Variants in LPAR2 observed in about 807,000 individuals in gnomAD.
LPAR2 encodes the protein G protein-coupled receptor.
In LPAR2, 10 loss-of-function variants were observed where a neutral mutation model predicts 15.6. The observed-to-expected ratio is 0.64, with a 90% CI of 0.39 to 1.09. The LOEUF is 1.09. LPAR2 is among the 50% of genes least tolerant of loss of function. The pLI is 0.01. For missense variants in LPAR2, 413 were observed against 484.6 expected (o/e 0.85, Z 1.39); for synonymous variants, 204 against 207.4 (o/e 0.98, Z 0.14).
chr19:19,624,382 G>A lies in LPAR2; in HGVS notation c.930C>T (p.Leu310=), dbSNP rs1282066762. 3 of 1,614,118 alleles carry A rather than the reference G, an allele frequency of 1.9e-6. No individual in the cohort carries two copies. The highest frequency in any genetic ancestry group is 2.5e-6 in the Non-Finnish European group (3 of 1,180,058). The change falls in exon 3 of 3, where the codon CTC becomes CTT. Residue 310 remains leucine, a synonymous_variant. Transcript: ENST00000407877. ...TGGACTGGCGGAGGCACGCGCAGCA[G>A]AGAAGGCGGCGGAAGGTGCGGCGCA...
At position 19,624,845 on chromosome 19, in the gene LPAR2, C is replaced by T. The variant is rs545976790; in HGVS notation, c.743-276G>A. On this transcript the variant is annotated intron_variant, in intron 2 of 2. Coordinates refer to ENST00000407877, the MANE Select transcript of LPAR2 (RefSeq NM_004720.7). ...TGTGTGTGTGTGTGAGATGGAGTCT[C>T]GCTCTGTCGCCAGGCTAGAGTGCAG... 1.2e-3 allele frequency among the ~76,000 whole-genome samples: 180 copies of T among 150,068 alleles called. 1 individual carries two copies. The highest frequency in any genetic ancestry group is 4.8e-3 in the Admixed American group (70 of 14,536).
At chr19:19,624,896 C>T (rs1041790868) in intron 2 of LPAR2, among the ~76,000 whole-genome samples, 6 of 151,882 alleles carry the variant, frequency 4.0e-5, no homozygotes, top group Non-Finnish European at 8.8e-5. Context: ...TTGCTGCAAC[C>T]TCTGCCTCCC....
chr19:19,626,377 T>G lies in LPAR2; in HGVS notation c.742+166A>C, dbSNP rs1599393508. Among the ~76,000 whole-genome samples the G allele has an allele frequency of 6.6e-6, 1 of 152,350 alleles. No individual in the cohort carries two copies. The highest frequency in any genetic ancestry group is 2.4e-5 in the African/African-American group (1 of 41,586). ...GGCTCTCTGTTCCTATCCTCAGCAT[T>G]CAGGCCTCTGCTCACATACATTATC... On this transcript the variant is annotated intron_variant, in intron 2 of 2. Transcript: ENST00000407877. This position sits in a 1 kb window ranked among gnomAD's most constrained non-coding sequence, Gnocchi z 5.3.
rs554004782 is a variant in LPAR2, at chr19:19,627,621, G to A, written c.1-337C>T. ...AATGTGTGACCCGGTTTGGGTTGTG[G>A]GGAGAGGAGGGTTAGGGAAAGACAA... On this transcript the variant is annotated intron_variant, in intron 1 of 2. Transcript: ENST00000407877. The surrounding 1 kb of genome is among the most constrained non-coding windows in gnomAD (Gnocchi z 4.7). 1 of 331,440 alleles carries A rather than the reference G, an allele frequency of 3.0e-6. No homozygotes were observed. Among genetic ancestry groups the A allele is most frequent in the Non-Finnish European group, 5.7e-6 (1 of 173,968 alleles). The allele number at this position is 331,440 out of a possible 1,614,324, so 20.5% of individuals were successfully genotyped here.
At chr19:19,624,789 T>TGTGTGTG (rs2061731796) in intron 2 of LPAR2, among the ~76,000 whole-genome samples, 2 of 143,698 alleles carry the variant, frequency 1.4e-5, no homozygotes, top group African/African-American at 2.6e-5. Context: ...ACTGGACATT[T>TGTGTGTG]TGTGTGTGTG....
At chr19:19,625,782 CAA>C (rs34230172) in intron 2 of LPAR2, among the ~76,000 whole-genome samples, 1,057 of 76,346 alleles carry the variant, frequency 0.014, 19 homozygotes, top group African/African-American at 0.055. Flanking sequence ...GACTCTGTCT[CAA>C]AAAAAAAAAA....
chr19:19,625,232 G>C (rs1470257535), intron 2 of LPAR2, among the ~76,000 whole-genome samples: 6 of 152,080 alleles, frequency 3.9e-5, no homozygotes. Context: ...CATTTGACAG[G>C]CTGAGGCAGG....
At position 19,623,895 on chromosome 19, in the gene LPAR2, C is replaced by T; in HGVS notation, c.*361G>A. On this transcript the variant is annotated 3_prime_UTR_variant, in exon 3 of 3. Coordinates refer to ENST00000407877, the MANE Select transcript of LPAR2 (RefSeq NM_004720.7). ...ACCGGGTAGCATGGCCCGAGAGAGC[C>T]CTTATCTCTCCCCACCTTAAAACCC... 1 of 247,326 alleles carries T rather than the reference C, an allele frequency of 4.0e-6. No individual in the cohort carries two copies. The highest frequency in any genetic ancestry group is 7.9e-6 in the Non-Finnish European group (1 of 127,026). The allele number at this position is 247,326 out of a possible 1,614,324, so 15.3% of individuals were successfully genotyped here.
At chr19:19,625,874 CTTT>C (rs545532352) in intron 2 of LPAR2, among the ~76,000 whole-genome samples, 1 of 129,858 alleles carries the variant, frequency 7.7e-6, no homozygotes. Flanking sequence ...CTAAAAACTC[CTTT>C]TTTTTTTTTT....
At position 19,626,929 on chromosome 19, in the gene LPAR2, A is replaced by G; in HGVS notation, c.356T>C (p.Val119Ala). The change falls in exon 2 of 3, where the codon GTG becomes GCG. Residue 119 changes from valine (V) to alanine (A), a missense_variant. Val to Ala is a moderately conservative substitution (Grantham distance 64). Coordinates refer to ENST00000407877, the MANE Select transcript of LPAR2 (RefSeq NM_004720.7). The surrounding 1 kb of genome is among the most constrained non-coding windows in gnomAD (Gnocchi z 5.3). ...CACGGCGATGGCCAGCAGTGTGGCC[A>G]CCGACGCAGTGAGGCTTGTGTCCAG... The G allele has an allele frequency of 3.1e-6, 5 of 1,606,282 alleles. No individual in the cohort carries two copies. The highest frequency in any genetic ancestry group is 4.2e-6 in the Non-Finnish European group (5 of 1,177,034).
rs536175113 is a variant in LPAR2, at chr19:19,627,665, A to C, written c.1-381T>G. The C allele has an allele frequency of 9.7e-4, 264 of 272,284 alleles. 1 individual carries two copies. Among genetic ancestry groups the C allele is most frequent in the Non-Finnish European group, 1.5e-3 (203 of 138,280 alleles). 16.9% of individuals were successfully genotyped at this position (272,284 alleles called of 1,614,324 possible). A position where few individuals can be genotyped will look rare whatever the true frequency, so the allele number is the denominator to read the frequency against. On this transcript the variant is annotated intron_variant, in intron 1 of 2. Coordinates refer to ENST00000407877, the MANE Select transcript of LPAR2 (RefSeq NM_004720.7). The surrounding 1 kb of genome is among the most constrained non-coding windows in gnomAD (Gnocchi z 4.7). Reference sequence around the variant, plus strand: ...AAGACAAAGGGGTGTGAGCTGCGGGAAGAGATGAGGGAGGATCACTTTGGT... The same window carrying C: ...AAGACAAAGGGGTGTGAGCTGCGGGCAGAGATGAGGGAGGATCACTTTGGT...
At chr19:19,625,632 A>C (rs1292167772) in intron 2 of LPAR2, among the ~76,000 whole-genome samples, 1 of 150,788 alleles carries the variant, frequency 6.6e-6, no homozygotes, top group African/African-American at 2.4e-5. Flanking sequence ...AAAATAGAAA[A>C]ATTAGCCAGG....
At position 19,626,609 on chromosome 19, in the gene LPAR2, C is replaced by G; in HGVS notation, c.676G>C (p.Val226Leu). The stretch of plus-strand genomic sequence containing the variant: ...TCTCGGTAGCGGGGGTGGCAGCTGA[C>G]ATGCTCTGCCATGCGCTGCACTCGC... The change falls in exon 2 of 3, where the codon GTC (valine) becomes CTC (leucine). Residue 226 changes from valine to leucine, a missense_variant. Physicochemically the swap from Val to Leu is conservative, Grantham distance 32. Coordinates refer to ENST00000407877, the MANE Select transcript of LPAR2 (RefSeq NM_004720.7). This position sits in a 1 kb window ranked among gnomAD's most constrained non-coding sequence, Gnocchi z 5.3. 6.2e-7 allele frequency: 1 copy of G among 1,613,190 alleles called. No homozygotes were observed. Among genetic ancestry groups the G allele is most frequent in the Middle Eastern group, 1.7e-4 (1 of 6,058 alleles).
Position 19,626,572 on chromosome 19 carries a change from C to T in LPAR2, c.713G>A (p.Ser238Asn). 4 of 1,610,920 alleles carry T rather than the reference C, an allele frequency of 2.5e-6. No homozygotes were observed. Among genetic ancestry groups the T allele is most frequent in the Non-Finnish European group, 3.4e-6 (4 of 1,178,842 alleles). Residue 238 changes from serine (S) to asparagine (N), a missense_variant, in exon 2 of 3, where the codon AGC becomes AAC. Ser to Asn is a conservative substitution (Grantham distance 46). Coordinates refer to ENST00000407877, the MANE Select transcript of LPAR2 (RefSeq NM_004720.7). The surrounding 1 kb of genome is among the most constrained non-coding windows in gnomAD (Gnocchi z 5.3). ...GATGATGACAACAGTCTTGACCAGG[C>T]TGAGCGTGGTCTCTCGGTAGCGGGG...
Position 19,624,478 on chromosome 19 carries a change from C to T in LPAR2, c.834G>A (p.Lys278=). 4 of 1,614,076 alleles carry T rather than the reference C, an allele frequency of 2.5e-6. No individual in the cohort carries two copies. Among genetic ancestry groups the T allele is most frequent in the Non-Finnish European group, 3.4e-6 (4 of 1,180,002 alleles). The change falls in exon 3 of 3, where the codon AAG becomes AAA. Residue 278 remains lysine, a synonymous_variant. Transcript: ENST00000407877. ...TGGCCTCGGCCAACAGTAGGAAGTA[C>T]TTTTCTACAGCCAGGACATTGCAGG... is the stretch of plus-strand genomic sequence containing the variant.
chr19:19,624,789 T>TTGTGTGTGTGTGTG (rs142248281), intron 2 of LPAR2, among the ~76,000 whole-genome samples: 9 of 143,800 alleles, frequency 6.3e-5, no homozygotes, highest in Admixed American at 2.1e-4. Flanking sequence ...ACTGGACATT[T>TTGTGTGTGTGTGTG]TGTGTGTGTG....
At position 19,624,373 on chromosome 19, in the gene LPAR2, C is replaced by G; in HGVS notation, c.939G>C (p.Ala313=). Residue 313 remains alanine (A), a synonymous_variant, in exon 3 of 3, where the codon GCG becomes GCC. Coordinates refer to ENST00000407877, the MANE Select transcript of LPAR2 (RefSeq NM_004720.7). ...ACTCGCGGGTGGACTGGCGGAGGCA[C>G]GCGCAGCAGAGAAGGCGGCGGAAGG... is the stretch of plus-strand genomic sequence containing the variant. 1.9e-6 allele frequency: 3 copies of G among 1,614,178 alleles called. No homozygotes were observed. The highest frequency in any genetic ancestry group is 4.5e-5 in the East Asian group (2 of 44,884).
At chr19:19,625,198 C>T (rs1212917163) in intron 2 of LPAR2, among the ~76,000 whole-genome samples, 3 of 151,928 alleles carry the variant, frequency 2.0e-5, no homozygotes, top group Admixed American at 6.6e-5. Context: ...CTCACTGAAG[C>T]GGCACGATCA....
rs372812887 is a variant in LPAR2 at position 19,624,584 on chromosome 19, C to A, written c.743-15G>T. On this transcript the variant is annotated splice_polypyrimidine_tract_variant and intron_variant, in intron 2 of 2. Coordinates refer to ENST00000407877, the MANE Select transcript of LPAR2 (RefSeq NM_004720.7). ...CACGAACGCCCCTGTGGGACAGAGG[C>A]GGAAGTGAGCAGGGCAAGCTGTCAG... is the stretch of plus-strand genomic sequence containing the variant. 28 of 1,574,212 alleles carry A rather than the reference C, an allele frequency of 1.8e-5. No individual in the cohort carries two copies. In the East Asian group the frequency reaches 2.7e-4, roughly 15 times the overall value.
Sources: allele counts gnomAD v4.1 joint callset (sites outside exome capture counted in the v4.1 genomes callset), GRCh38; gene constraint gnomAD v4.1.1; non-coding constraint Gnocchi (gnomAD v3.1); transcripts MANE v1.5; gene names NCBI Gene and HGNC (gene_info 2026-07-23, HGNC 2026-07-21).